COMMD10: variants seen among roughly 807,000 people sequenced by gnomAD.
The protein encoded by COMMD10 is COMM domain-containing protein 10.
Under a neutral mutation model 28.9 loss-of-function variants are expected in COMMD10, and 33 were observed. That is an observed-to-expected ratio of 1.14 (90% CI 0.87 to 1.53). COMMD10 has a LOEUF of 1.53. Among genes scored for constraint, COMMD10 ranks in the 40% most tolerant of loss-of-function variants. The pLI, the probability that COMMD10 is intolerant of heterozygous loss-of-function variation, is 0.00. For missense variants in COMMD10, 310 were observed against 233.4 expected (o/e 1.33, Z -2.14); for synonymous variants, 110 against 81.7 (o/e 1.35, Z -1.87).
chr5:116,281,800 C>T lies in COMMD10; in HGVS notation c.511-9717C>T, dbSNP rs907634511. On this transcript the variant is annotated intron_variant, in intron 5 of 6. Coordinates refer to ENST00000274458, the MANE Select transcript of COMMD10 (RefSeq NM_016144.4). ...ACATGTCAAAATACTGTGCAGAAAA[C>T]GTTAATGAAGCTGGTGATATTCAAC... Among the ~76,000 whole-genome samples the T allele has an allele frequency of 5.3e-5, 8 of 151,776 alleles. No individual in the cohort carries two copies. In the East Asian group the frequency reaches 5.8e-4, roughly 11 times the overall value.
At chr5:116,128,811 C>A (rs1482024958) in intron 4 of COMMD10, among the ~76,000 whole-genome samples, 4 of 151,874 alleles carry the variant, frequency 2.6e-5, no homozygotes, top group Admixed American at 2.6e-4. Context: ...TATGGCGTAT[C>A]CCTCAATTTT....
rs531825184 is a variant in COMMD10, at chr5:116,198,359, A to G, written c.510+64181A>G. On this transcript the variant is annotated intron_variant, in intron 5 of 6. Coordinates refer to ENST00000274458, the MANE Select transcript of COMMD10 (RefSeq NM_016144.4). The stretch of plus-strand genomic sequence containing the variant: ...ATGACCATACCTTATTTATTAAAAA[A>G]TAATAAACTTTATTTTTCAGAGCAG... Among the ~76,000 whole-genome samples the G allele has an allele frequency of 1.4e-4, 22 of 152,324 alleles. No individual in the cohort carries two copies. The South Asian group carries it at 4.6e-3, about 32-fold the overall frequency.
Position 116,269,754 on chromosome 5 carries a change from G to T in COMMD10, c.511-21763G>T, listed in dbSNP as rs150881089. ...TTTGCCAATTATTTTGGTTGCTGAG[G>T]TTGTAAGCCATCTTGGTTTGCTTAC... On this transcript the variant is annotated intron_variant, in intron 5 of 6. Coordinates refer to ENST00000274458, the MANE Select transcript of COMMD10 (RefSeq NM_016144.4). Among the ~76,000 whole-genome samples, 215 of 151,892 alleles carry T rather than the reference G, an allele frequency of 1.4e-3. 5 individuals are homozygous for T. Among genetic ancestry groups the T allele is most frequent in the African/African-American group, 4.9e-3 (202 of 41,270 alleles).
chr5:116,121,614 C>G (rs1238303762), intron 4 of COMMD10, among the ~76,000 whole-genome samples: 2 of 152,130 alleles, frequency 1.3e-5, no homozygotes, highest in Non-Finnish European at 1.5e-5. Context: ...TAAAAGCATT[C>G]CTATTTCTCC....
Position 116,177,652 on chromosome 5 carries a change from A to G in COMMD10, c.510+43474A>G, listed in dbSNP as rs561483549. On this transcript the variant is annotated intron_variant, in intron 5 of 6. Coordinates refer to ENST00000274458, the MANE Select transcript of COMMD10 (RefSeq NM_016144.4). ...ACTTTCTGTATTCAATTTTTCAAAG[A>G]TTTTCAAGCATCATTTTCTTCTCCT... Among the ~76,000 whole-genome samples, 5 of 151,932 alleles carry G rather than the reference A, an allele frequency of 3.3e-5. No individual in the cohort carries two copies. The South Asian group carries it at 1.0e-3, about 32-fold the overall frequency.
chr5:116,099,315 T>G (rs1352307884), intron 4 of COMMD10, among the ~76,000 whole-genome samples: 1 of 152,116 alleles, frequency 6.6e-6, no homozygotes, highest in Non-Finnish European at 1.5e-5. Context: ...TTTTTAAAGG[T>G]TGAATAATAT....
At chr5:116,102,156 T>C (rs1179135199) in intron 4 of COMMD10, among the ~76,000 whole-genome samples, 1 of 152,210 alleles carries the variant, frequency 6.6e-6, no homozygotes, top group Non-Finnish European at 1.5e-5. Context: ...CAAAAGAGTT[T>C]TCGCTAGGTT....
intron 5 of COMMD10, among the ~76,000 whole-genome samples, chr5:116,246,077 T>C (rs186527272): frequency 1.3e-5 from 2 of 152,284 alleles, no homozygotes; most frequent in Non-Finnish European, 2.9e-5. Context: ...ATCCAATTTC[T>C]AGAAAACCAC....
intron 5 of COMMD10, among the ~76,000 whole-genome samples, chr5:116,286,957 C>T (rs188158403): frequency 1.3e-5 from 2 of 151,772 alleles, no homozygotes; most frequent in African/African-American, 2.4e-5. Context: ...ATATTGAAGT[C>T]TCCTACTATT....
intron 5 of COMMD10, among the ~76,000 whole-genome samples, chr5:116,166,079 G>C (rs1291504275): frequency 2.6e-5 from 4 of 152,080 alleles, no homozygotes; most frequent in African/African-American, 7.2e-5. Flanking sequence ...ACATTCTATG[G>C]CCGAAAGAGC....
At chr5:116,118,710 T>C (rs1032337198) in intron 4 of COMMD10, among the ~76,000 whole-genome samples, 1 of 151,352 alleles carries the variant, frequency 6.6e-6, no homozygotes. Flanking sequence ...AGTGAAAATA[T>C]AGAAAGAATT....
intron 5 of COMMD10, among the ~76,000 whole-genome samples, chr5:116,247,873 T>TAA: frequency 6.6e-6 from 1 of 152,016 alleles, no homozygotes; most frequent in African/African-American, 2.4e-5. Flanking sequence ...CTAGGCTTAA[T>TAA]ATCTGGTTGA....
At chr5:116,160,706 C>G (rs898837027) in intron 5 of COMMD10, among the ~76,000 whole-genome samples, 2 of 152,134 alleles carry the variant, frequency 1.3e-5, no homozygotes, top group Non-Finnish European at 2.9e-5. Flanking sequence ...GTATAATTTT[C>G]TTGGTCATCA....
chr5:116,271,565 G>A (rs1261761759), intron 5 of COMMD10, among the ~76,000 whole-genome samples: 1 of 151,594 alleles, frequency 6.6e-6, no homozygotes, highest in East Asian at 1.9e-4. Context: ...CGACTAATGT[G>A]GTTTTTACTC....
intron 4 of COMMD10, among the ~76,000 whole-genome samples, chr5:116,094,809 G>A (rs562424674): frequency 4.2e-4 from 64 of 152,264 alleles, no homozygotes; most frequent in African/African-American, 1.5e-3. Flanking sequence ...AGGGAATTTG[G>A]TATAATTACA....
chr5:116,087,999 TC>T (rs2112705719), intron 2 of COMMD10, among the ~76,000 whole-genome samples: 1 of 152,360 alleles, frequency 6.6e-6, no homozygotes, highest in South Asian at 2.1e-4. Context: ...GTATTTTCTA[TC>T]AACTGGTATT....
At chr5:116,161,190 A>T (rs1561639989) in intron 5 of COMMD10, among the ~76,000 whole-genome samples, 2 of 152,164 alleles carry the variant, frequency 1.3e-5, no homozygotes, top group African/African-American at 2.4e-5. Context: ...TAGAAGGATC[A>T]TGGGCTTTGG....
chr5:116,268,619 A>G (rs1425538383), intron 5 of COMMD10, among the ~76,000 whole-genome samples: 3 of 151,988 alleles, frequency 2.0e-5, no homozygotes, highest in Non-Finnish European at 4.4e-5. Context: ...CCAAAGGAAT[A>G]TAAATCATGC....
chr5:116,228,241 C>A (rs1749444637), intron 5 of COMMD10, among the ~76,000 whole-genome samples: 1 of 151,784 alleles, frequency 6.6e-6, no homozygotes, highest in African/African-American at 2.4e-5. Context: ...ACTTCTAATT[C>A]CCCTTTAAAA....
Sources: allele counts gnomAD v4.1 joint callset (sites outside exome capture counted in the v4.1 genomes callset), GRCh38; gene constraint gnomAD v4.1.1; transcripts MANE v1.5; gene names NCBI Gene and HGNC (gene_info 2026-07-23, HGNC 2026-07-21).